Variants in NEK4 observed in about 807,000 individuals in gnomAD.
NEK4 encodes serine/threonine-protein kinase Nek4.
In NEK4, 86 loss-of-function variants were observed where a neutral mutation model predicts 98.4. The ratio of observed to expected loss-of-function variants is 0.87; its 90% CI spans 0.73 to 1.05. The LOEUF (loss-of-function observed/expected upper bound fraction) is 1.05. Among genes scored for constraint, NEK4 ranks in the 50% least tolerant of loss-of-function variants. The pLI is 0.00. For missense variants in NEK4, 898 were observed against 950.3 expected (o/e 0.94, Z 0.72); for synonymous variants, 328 against 342.2 (o/e 0.96, Z 0.46).
chr3:52,714,882 C>T (rs1330787016), intron 15 of NEK4, among the ~76,000 whole-genome samples: 1 of 152,234 alleles, frequency 6.6e-6, no homozygotes, highest in Non-Finnish European at 1.5e-5. Context: ...TTTGGGGCAG[C>T]AATGACACAC....
chr3:52,766,414 C>T lies in NEK4; in HGVS notation c.361-39G>A, dbSNP rs539801002. On this transcript the variant is annotated intron_variant, in intron 2 of 15. Coordinates refer to ENST00000233027, the MANE Select transcript of NEK4 (RefSeq NM_003157.6). ...CAAGATTTTATTACATATAAATAGA[C>T]TTAATTATGTATTTATTCCTGGCTT... is the stretch of plus-strand genomic sequence containing the variant. 6.0e-5 allele frequency: 85 copies of T among 1,409,760 alleles called. 1 individual carries two copies. In the South Asian group the frequency reaches 8.8e-4, roughly 15 times the overall value. The allele number at this position is 1,409,760 out of a possible 1,614,324, so 87.3% of individuals were successfully genotyped here. A position where few individuals can be genotyped will look rare whatever the true frequency, so the allele number is the denominator to read the frequency against.
intron 15 of NEK4, chr3:52,733,532 G>A (rs903150999): frequency 2.2e-5 from 11 of 493,820 alleles, no homozygotes; most frequent in African/African-American, 4.0e-5. Context: ...CCTTACACAC[G>A]TAATGAATGT....
At chr3:52,716,191 G>A (rs992257902) in intron 15 of NEK4, among the ~76,000 whole-genome samples, 1 of 152,198 alleles carries the variant, frequency 6.6e-6, no homozygotes, top group African/African-American at 2.4e-5. Flanking sequence ...GATACAGGTT[G>A]GTAATATAGT....
intron 7 of NEK4, 108 bp downstream of exon 7, chr3:52,751,824 T>C (rs2097405624): frequency 1.9e-6 from 2 of 1,058,740 alleles, no homozygotes; most frequent in Non-Finnish European, 2.8e-6. Flanking sequence ...TTTAAACTGA[T>C]ACATAGAATT....
chr3:52,747,259 A>T (rs1345914549), intron 8 of NEK4: 4 of 185,878 alleles, frequency 2.2e-5, no homozygotes, highest in Non-Finnish European at 4.5e-5. Context: ...GTTCGAGACC[A>T]GCCTGGCCAA....
chr3:52,748,480 A>T (rs1383010522), intron 8 of NEK4, among the ~76,000 whole-genome samples: 1 of 152,210 alleles, frequency 6.6e-6, no homozygotes, highest in Non-Finnish European at 1.5e-5. Context: ...AATTATTTTT[A>T]AAAATCTCCT....
rs374017577 is a variant in NEK4 at position 52,751,886 on chromosome 3, C to G, written c.1368+46G>C. The G allele has an allele frequency of 1.2e-5, 18 of 1,540,334 alleles. No individual in the cohort carries two copies. The African/African-American group carries it at 1.9e-4, about 17-fold the overall frequency. On this transcript the variant is annotated intron_variant, in intron 7 of 15. Coordinates refer to ENST00000233027, the MANE Select transcript of NEK4 (RefSeq NM_003157.6). ...ACCCACATATTTGTAACTGCACTTT[C>G]AGTCTTCTCTCCAAAACCAGTATCT...
intron 15 of NEK4, among the ~76,000 whole-genome samples, chr3:52,712,715 C>T (rs2097351607): frequency 1.3e-5 from 2 of 152,206 alleles, no homozygotes; most frequent in Admixed American, 6.5e-5. Flanking sequence ...TCTCCCCCAG[C>T]TACCCTGGCC....
At chr3:52,739,710 G>T (rs971782318) in intron 13 of NEK4, 76 bp from the exon 14 acceptor site, 4 of 1,248,690 alleles carry the variant, frequency 3.2e-6, no homozygotes, top group Admixed American at 1.8e-5. Context: ...CGTGCAAAAC[G>T]ACCTTTCGGG....
At chr3:52,770,251 A>G (rs1698724121) in intron 1 of NEK4, among the ~76,000 whole-genome samples, 1 of 151,906 alleles carries the variant, frequency 6.6e-6, no homozygotes, top group Admixed American at 6.6e-5. Context: ...CCCTTCATTC[A>G]AGGAATAATG....
chr3:52,746,207 G>A lies in NEK4; in HGVS notation c.1681C>T (p.Gln561Ter). The A allele has an allele frequency of 1.9e-6, 3 of 1,613,522 alleles. No individual in the cohort carries two copies. Among genetic ancestry groups the A allele is most frequent in the Non-Finnish European group, 2.5e-6 (3 of 1,179,660 alleles). The change falls in exon 10 of 16, where the codon CAA becomes TAA. Residue 561 changes from glutamine (Q) to a stop codon, truncating the protein, a stop_gained. Coordinates refer to ENST00000233027, the MANE Select transcript of NEK4 (RefSeq NM_003157.6). LOFTEE classifies it high-confidence loss of function. ...RQVRRDLFAF[Q>*]ESPPRFLPSH... ...GGCAAAAATCGAGGAGGCGACTCTT[G>A]GAACTTAAATAATTAAAAAAGAAGA...
At position 52,743,391 on chromosome 3, in the gene NEK4, C is replaced by G. The variant is rs1215496582; in HGVS notation, c.1965G>C (p.Leu655Phe). 1 of 1,614,146 alleles carries G rather than the reference C, an allele frequency of 6.2e-7. No homozygotes were observed. The highest frequency in any genetic ancestry group is 8.5e-7 in the Non-Finnish European group (1 of 1,180,024). The change falls in exon 12 of 16, where the codon TTG becomes TTC. Residue 655 changes from leucine (L) to phenylalanine (F), a missense_variant. By Grantham distance (22) the Leu-to-Phe change is conservative. Coordinates refer to ENST00000233027, the MANE Select transcript of NEK4 (RefSeq NM_003157.6). ...PGKPQEEDQP[L>F]PARRLSSDCS... ...AGTCAGAGGAGAGCCGTCGGGCAGG[C>G]AAGGGCTGGTCTTCTTCCTGGGGTT...
chr3:52,741,770 T>G (rs1272565370), intron 12 of NEK4, among the ~76,000 whole-genome samples: 1 of 152,104 alleles, frequency 6.6e-6, no homozygotes. Context: ...TTGTTTGTTT[T>G]TTTTTTGTTT....
intron 6 of NEK4, among the ~76,000 whole-genome samples, chr3:52,758,245 G>C (rs1698211575): frequency 6.6e-6 from 1 of 151,712 alleles, no homozygotes; most frequent in African/African-American, 2.4e-5. Context: ...CCAGGGACTG[G>C]GGTAGTAGGG....
chr3:52,732,726 T>G (rs1180934227), intron 15 of NEK4: 1 of 292,960 alleles, frequency 3.4e-6, no homozygotes, highest in East Asian at 9.4e-5. Flanking sequence ...GAATCTGTCT[T>G]CCTGACCTGA....
intron 4 of NEK4, among the ~76,000 whole-genome samples, chr3:52,765,288 T>C (rs1162143017): frequency 6.6e-6 from 1 of 151,098 alleles, no homozygotes; most frequent in East Asian, 1.9e-4. Flanking sequence ...GAGGTAGAGG[T>C]TGCTGTGAGC....
chr3:52,768,586 TCA>T lies in NEK4; in HGVS notation c.110_111del (p.Leu37GlnfsTer7). On this transcript the variant is annotated frameshift_variant, in exon 2 of 16. Transcript: ENST00000233027. LOFTEE classifies it high-confidence loss of function. The part of the protein sequence containing the change: ...RDGKQYVIKK[L>X]NLRNASSRER... ...TCTCGGCTAGAGGCATTTCGGAGGTTCAGTTTTTTGATGACATACTAAAAACA... is the reference window on the plus strand; with the variant it reads ...TCTCGGCTAGAGGCATTTCGGAGGTTGTTTTTTGATGACATACTAAAAACA... 6.2e-7 allele frequency: 1 copy of T among 1,614,078 alleles called. No individual in the cohort carries two copies. Among genetic ancestry groups the T allele is most frequent in the Non-Finnish European group, 8.5e-7 (1 of 1,179,936 alleles).
chr3:52,721,280 A>C (rs1332625027), intron 15 of NEK4, among the ~76,000 whole-genome samples: 1 of 152,236 alleles, frequency 6.6e-6, no homozygotes, highest in East Asian at 1.9e-4. Flanking sequence ...AGAAGCAGGA[A>C]ACCAATGTTG....
intron 15 of NEK4, among the ~76,000 whole-genome samples, chr3:52,735,459 T>C (rs1368415248): frequency 1.3e-5 from 2 of 152,250 alleles, no homozygotes; most frequent in Non-Finnish European, 2.9e-5. Flanking sequence ...ATGGACATTA[T>C]AAGTTCTTGG....
Sources: allele counts gnomAD v4.1 joint callset (sites outside exome capture counted in the v4.1 genomes callset), GRCh38; gene constraint gnomAD v4.1.1; transcripts MANE v1.5; gene names NCBI Gene and HGNC (gene_info 2026-07-23, HGNC 2026-07-21).